Variants in CHSY3 observed in about 807,000 individuals in gnomAD.
The protein encoded by CHSY3 is N-acetylgalactosaminyl-proteoglycan 3-beta-glucuronosyltransferase 3.
In CHSY3, 35 loss-of-function variants were observed where a neutral mutation model predicts 67.2. The ratio of observed to expected loss-of-function variants is 0.52; its 90% confidence interval spans 0.40 to 0.69. The LOEUF (loss-of-function observed/expected upper bound fraction) is 0.69. Ranked by LOEUF, CHSY3 falls within the 30% of genes least tolerant of loss-of-function variation. The pLI is 0.00. For synonymous variants in CHSY3, 474 were observed against 434.7 expected (o/e 1.09, Z -1.12); for missense variants, 1,069 against 1,138.5 (o/e 0.94, Z 0.88).
intron 2 of CHSY3, among the ~76,000 whole-genome samples, chr5:130,102,462 C>A (rs977262690): frequency 1.3e-5 from 2 of 151,206 alleles, no homozygotes; most frequent in African/African-American, 4.9e-5. Flanking sequence ...TGAGAAAGAT[C>A]TTGTTTTTTA....
chr5:130,143,846 A>G (rs1357479751), intron 2 of CHSY3, among the ~76,000 whole-genome samples: 3 of 130,492 alleles, frequency 2.3e-5, no homozygotes, highest in East Asian at 2.3e-4. Context: ...ATATATATAT[A>G]TGCCAATTCA....
intron 2 of CHSY3, among the ~76,000 whole-genome samples, chr5:130,057,898 C>T (rs1488018448): frequency 6.7e-6 from 1 of 149,890 alleles, no homozygotes; most frequent in Non-Finnish European, 1.5e-5. Flanking sequence ...CATACATGCA[C>T]ACAGAGAGAG....
chr5:130,160,912 T>TA (rs1206158613), intron 2 of CHSY3, among the ~76,000 whole-genome samples: 7,333 of 148,920 alleles, frequency 0.049, 538 homozygotes, highest in African/African-American at 0.14. Context: ...TTTTTTTATT[T>TA]TTTTTTTTTT....
intron 2 of CHSY3, among the ~76,000 whole-genome samples, chr5:130,154,241 A>T (rs557460532): frequency 4.3e-4 from 65 of 152,264 alleles, no homozygotes; most frequent in Admixed American, 4.3e-3. Flanking sequence ...AAATCACAAG[A>T]TATGCTAACA....
intron 2 of CHSY3, among the ~76,000 whole-genome samples, chr5:130,157,306 G>A (rs1580787676): frequency 6.6e-6 from 1 of 152,216 alleles, no homozygotes; most frequent in African/African-American, 2.4e-5. Flanking sequence ...CTGGAGTGCT[G>A]TTATGTGTTT....
intron 2 of CHSY3, among the ~76,000 whole-genome samples, chr5:129,974,636 G>A (rs561977218): frequency 1.3e-5 from 2 of 152,210 alleles, no homozygotes; most frequent in African/African-American, 4.8e-5. Context: ...ACTTCATGGC[G>A]CAGTTGTAAG....
chr5:129,943,336 C>T (rs1761752579), intron 2 of CHSY3, among the ~76,000 whole-genome samples: 3 of 152,078 alleles, frequency 2.0e-5, no homozygotes, highest in Admixed American at 6.6e-5. Context: ...AAAATCATGC[C>T]GAACTCCAAA....
intron 2 of CHSY3, among the ~76,000 whole-genome samples, chr5:130,030,829 T>A (rs925039464): frequency 2.6e-5 from 4 of 152,084 alleles, no homozygotes; most frequent in Admixed American, 2.6e-4. Flanking sequence ...AGTCCCTTGA[T>A]CTGAACTTTC....
Position 130,185,227 on chromosome 5 carries a change from T to A in CHSY3, c.2085T>A (p.Phe695Leu). 4.4e-6 allele frequency: 7 copies of A among 1,608,290 alleles called. No individual in the cohort carries two copies. Among genetic ancestry groups the A allele is most frequent in the Non-Finnish European group, 6.0e-6 (7 of 1,174,736 alleles). The change falls in exon 3 of 3, where the codon TTT becomes TTA. Residue 695 changes from phenylalanine to leucine, a missense_variant. By Grantham distance (22) the Phe-to-Leu change is conservative. Transcript: ENST00000305031. ...EMTLIPMKGE[F>L]SRGLGLEMAS... ...CCCTGATCCCAATGAAGGGAGAGTT[T>A]TCCAGAGGTCTTGGTCTTGAAATGG...
intron 2 of CHSY3, among the ~76,000 whole-genome samples, chr5:130,147,358 C>T (rs578246694): frequency 6.6e-6 from 1 of 152,030 alleles, no homozygotes; most frequent in African/African-American, 2.4e-5. Flanking sequence ...TAGACAATAC[C>T]ACTGCTAATT....
chr5:129,910,738 G>T (rs1760509659), intron 2 of CHSY3, among the ~76,000 whole-genome samples: 1 of 151,736 alleles, frequency 6.6e-6, no homozygotes. Flanking sequence ...TTTCTAATTT[G>T]GATTTTATGT....
chr5:129,990,961 C>G (rs1467783771), intron 2 of CHSY3, among the ~76,000 whole-genome samples: 1 of 151,938 alleles, frequency 6.6e-6, no homozygotes, highest in Non-Finnish European at 1.5e-5. Context: ...AGGATAAGAC[C>G]TAGGTGTCAG....
At chr5:129,998,091 T>C (rs1053123965) in intron 2 of CHSY3, among the ~76,000 whole-genome samples, 9 of 152,196 alleles carry the variant, frequency 5.9e-5, no homozygotes, top group African/African-American at 1.2e-4. Context: ...CCACACTGTC[T>C]TCCACAATGG....
intron 2 of CHSY3, among the ~76,000 whole-genome samples, chr5:130,065,330 G>C (rs1434022597): frequency 2.0e-5 from 3 of 152,078 alleles, no homozygotes; most frequent in Non-Finnish European, 4.4e-5. Context: ...TGAAGATTTA[G>C]TGGTAGCCCT....
intron 2 of CHSY3, among the ~76,000 whole-genome samples, chr5:130,018,903 C>T (rs79122360): frequency 0.012 from 1,783 of 152,076 alleles, 28 homozygotes; most frequent in African/African-American, 0.039. Context: ...GAGGGGGTTG[C>T]TATAAAGCCA....
intron 2 of CHSY3, among the ~76,000 whole-genome samples, chr5:129,939,210 T>C (rs1211717279): frequency 6.6e-6 from 1 of 152,160 alleles, no homozygotes; most frequent in African/African-American, 2.4e-5. Context: ...GAGAACTCTA[T>C]CTGGAGACAG....
At chr5:129,948,410 C>T (rs1164766693) in intron 2 of CHSY3, among the ~76,000 whole-genome samples, 2 of 152,162 alleles carry the variant, frequency 1.3e-5, no homozygotes, top group African/African-American at 4.8e-5. Context: ...GCTTACCTCC[C>T]ACTTACAAAT....
intron 2 of CHSY3, among the ~76,000 whole-genome samples, chr5:129,915,890 C>T (rs941422378): frequency 2.0e-5 from 3 of 152,238 alleles, no homozygotes; most frequent in Admixed American, 2.0e-4. Flanking sequence ...TGAGAAATCT[C>T]CCCTAGAGAA....
intron 2 of CHSY3, among the ~76,000 whole-genome samples, chr5:129,938,661 A>G (rs1403968527): frequency 2.0e-5 from 3 of 152,220 alleles, no homozygotes; most frequent in African/African-American, 4.8e-5. Context: ...GTAGGGGCAC[A>G]ATGTCACCAG....
Sources: allele counts gnomAD v4.1 joint callset (sites outside exome capture counted in the v4.1 genomes callset), GRCh38; gene constraint gnomAD v4.1.1; transcripts MANE v1.5; gene names NCBI Gene and HGNC (gene_info 2026-07-23, HGNC 2026-07-21).